The following KCNK5 variants were observed in gnomAD, a reference collection of about 807,000 sequenced individuals.
KCNK5 encodes potassium two pore domain channel subfamily K member 5, also known as potassium channel subfamily K member 5.
A neutral mutation model predicts 32.9 loss-of-function variants in KCNK5; 18 were observed. The observed-to-expected ratio is 0.55, with a 90% CI of 0.38 to 0.81. KCNK5 has a LOEUF of 0.81. Ranked by LOEUF, KCNK5 falls within the 30% of genes least tolerant of loss-of-function variation. KCNK5 has a pLI of 0.00. For missense variants in KCNK5, 507 were observed against 651.0 expected (o/e 0.78, Z 2.41); for synonymous variants, 276 against 275.3 (o/e 1.00, Z -0.03).
intron 1 of KCNK5, among the ~76,000 whole-genome samples, chr6:39,217,679 T>C (rs1234578152): frequency 1.3e-5 from 2 of 152,166 alleles, no homozygotes; most frequent in Admixed American, 1.3e-4. Context: ...CATTTTATGA[T>C]TTGCCGCCAC....
chr6:39,210,730 C>T lies in KCNK5; in HGVS notation c.187-14743G>A, dbSNP rs563152217. Reference sequence around the variant, plus strand: ...AGTTTAACAAGAGACAGGCAGGAGTCGGGAAAGAGGGACATGACAGCAGAA... The same window carrying T: ...AGTTTAACAAGAGACAGGCAGGAGTTGGGAAAGAGGGACATGACAGCAGAA... On this transcript the variant is annotated intron_variant, in intron 1 of 4. Coordinates refer to ENST00000359534, the MANE Select transcript of KCNK5 (RefSeq NM_003740.4). Among the ~76,000 whole-genome samples, 6 of 152,206 alleles carry T rather than the reference C, an allele frequency of 3.9e-5. No individual in the cohort carries two copies. In the South Asian group the frequency reaches 1.0e-3, roughly 26 times the overall value.
chr6:39,199,453 T>C (rs1015741091), intron 1 of KCNK5, among the ~76,000 whole-genome samples: 13 of 152,258 alleles, frequency 8.5e-5, no homozygotes, highest in African/African-American at 2.9e-4. Context: ...CCCCATGACT[T>C]CTAGTATCCC....
At chr6:39,195,742 A>T in intron 2 of KCNK5, 134 bp downstream of exon 2, 1 of 582,902 alleles carries the variant, frequency 1.7e-6, no homozygotes, top group South Asian at 2.7e-5. Context: ...TCCCTAAGAA[A>T]GTATCAAAAG....
intron 1 of KCNK5, among the ~76,000 whole-genome samples, chr6:39,203,539 C>G (rs55872415): frequency 0.092 from 14,079 of 152,298 alleles, 825 homozygotes; most frequent in South Asian, 0.18. Context: ...CACTTCCCCC[C>G]CATCACCCCT....
At chr6:39,222,071 C>G (rs1378076470) in intron 1 of KCNK5, among the ~76,000 whole-genome samples, 1 of 152,218 alleles carries the variant, frequency 6.6e-6, no homozygotes, top group Non-Finnish European at 1.5e-5. Flanking sequence ...GGGATAACTG[C>G]TCACCAGAAG....
intron 1 of KCNK5, among the ~76,000 whole-genome samples, chr6:39,223,514 A>T (rs969847021): frequency 2.6e-5 from 4 of 152,198 alleles, no homozygotes; most frequent in Non-Finnish European, 5.9e-5. Flanking sequence ...AGGCAAACCT[A>T]TTTCATGTGC....
At chr6:39,225,552 G>A (rs957416420) in intron 1 of KCNK5, among the ~76,000 whole-genome samples, 1 of 152,206 alleles carries the variant, frequency 6.6e-6, no homozygotes, top group Non-Finnish European at 1.5e-5. Context: ...TGGGACAGGG[G>A]TTGGGGACTT....
chr6:39,203,330 C>A (rs1003544205), intron 1 of KCNK5, among the ~76,000 whole-genome samples: 1 of 152,248 alleles, frequency 6.6e-6, no homozygotes, highest in African/African-American at 2.4e-5. Context: ...TCCCTGGCCA[C>A]CTGATGGCTG....
chr6:39,191,724 C>G lies in KCNK5; in HGVS notation c.666G>C (p.Leu222=). The G allele has an allele frequency of 4.3e-6, 7 of 1,613,774 alleles. No individual in the cohort carries two copies. Among genetic ancestry groups the G allele is most frequent in the Non-Finnish European group, 5.9e-6 (7 of 1,179,818 alleles). The change falls in exon 5 of 5, where the codon CTG becomes CTC. Residue 222 remains leucine (L), a synonymous_variant. Coordinates refer to ENST00000359534, the MANE Select transcript of KCNK5 (RefSeq NM_003740.4). The surrounding 1 kb of genome is among the most constrained non-coding windows in gnomAD (Gnocchi z 5.8). ...TCCAGAGCTCCACGAAGTAGCGGTA[C>G]AGGGCGTGGTAGTTGGCGCTGGGGT... ...GVNPSANYHA[L]YRYFVELWIY... is the part of the protein sequence containing the mutation.
intron 1 of KCNK5, among the ~76,000 whole-genome samples, chr6:39,219,019 T>TA (rs936136450): frequency 6.6e-5 from 10 of 152,166 alleles, no homozygotes; most frequent in African/African-American, 2.4e-4. Context: ...ATGTGCTTAG[T>TA]AAAATATCTG....
chr6:39,199,347 CT>C, intron 1 of KCNK5, among the ~76,000 whole-genome samples: 1 of 152,354 alleles, frequency 6.6e-6, no homozygotes, highest in South Asian at 2.1e-4. Flanking sequence ...AAGAGCTGGG[CT>C]TTCTACCCTT....
intron 1 of KCNK5, among the ~76,000 whole-genome samples, chr6:39,225,099 G>A (rs1003286213): frequency 6.6e-6 from 1 of 151,970 alleles, no homozygotes; most frequent in African/African-American, 2.4e-5. Context: ...CCCTCGTTAA[G>A]CGACCTCCTG....
At chr6:39,193,473 G>A (rs1770976545) in intron 4 of KCNK5, among the ~76,000 whole-genome samples, 1 of 152,240 alleles carries the variant, frequency 6.6e-6, no homozygotes, top group Non-Finnish European at 1.5e-5. Flanking sequence ...TGGGGTGGTG[G>A]GTCAACAGGG....
intron 1 of KCNK5, among the ~76,000 whole-genome samples, chr6:39,202,364 G>A (rs1771145587): frequency 1.3e-5 from 2 of 152,112 alleles, no homozygotes; most frequent in South Asian, 2.1e-4. Context: ...CAGCGGCGGC[G>A]GGGCTCACAG....
At position 39,191,045 on chromosome 6, in the gene KCNK5, G is replaced by A. The variant is rs1360728748; in HGVS notation, c.1345C>T (p.Pro449Ser). The change falls in exon 5 of 5, where the codon CCC becomes TCC. Residue 449 changes from proline to serine, a missense_variant. Physicochemically the swap from Pro to Ser is moderately conservative, Grantham distance 74 (BLOSUM62 -1). Transcript: ENST00000359534. The surrounding 1 kb of genome is among the most constrained non-coding windows in gnomAD (Gnocchi z 5.8). ...LEDNLAGEES[P>S]QQGAEAKAPL... is the part of the protein sequence containing the mutation. ...GCCTTGGCTTCAGCCCCCTGCTGGGGGCTCTCCTCCCCTGCCAAGTTGTCC... is the reference window on the plus strand; with the variant it reads ...GCCTTGGCTTCAGCCCCCTGCTGGGAGCTCTCCTCCCCTGCCAAGTTGTCC... The A allele has an allele frequency of 6.2e-7, 1 of 1,610,988 alleles. No homozygotes were observed. The highest frequency in any genetic ancestry group is 1.7e-5 in the Admixed American group (1 of 59,588).
At position 39,191,367 on chromosome 6, in the gene KCNK5, C is replaced by T. The variant is rs1345529611; in HGVS notation, c.1023G>A (p.Leu341=). ...TCTTGGAGTAGACTACCAGGGGCAC[C>T]AGGGAAGGGGGCAGTGCTGGGAGCC... ...GGGLPALPPS[L]VPLVVYSKNR... is the part of the protein sequence containing the mutation. The change falls in exon 5 of 5, where the codon CTG becomes CTA. Residue 341 remains leucine (L), a synonymous_variant. Coordinates refer to ENST00000359534, the MANE Select transcript of KCNK5 (RefSeq NM_003740.4). The surrounding 1 kb of genome is among the most constrained non-coding windows in gnomAD (Gnocchi z 5.8). 2 of 1,613,680 alleles carry T rather than the reference C, an allele frequency of 1.2e-6. No individual in the cohort carries two copies. The highest frequency in any genetic ancestry group is 2.2e-5 in the South Asian group (2 of 91,068).
intron 1 of KCNK5, among the ~76,000 whole-genome samples, chr6:39,224,309 G>A (rs1418328571): frequency 5.9e-5 from 9 of 152,238 alleles, no homozygotes; most frequent in African/African-American, 1.9e-4. Flanking sequence ...TTACAAAGGC[G>A]GTTAAGTGGA....
At chr6:39,202,972 G>C (rs891769281) in intron 1 of KCNK5, among the ~76,000 whole-genome samples, 1 of 152,120 alleles carries the variant, frequency 6.6e-6, no homozygotes, top group Admixed American at 6.5e-5. Context: ...AAAGAACCTA[G>C]GACTCAGTAA....
At chr6:39,221,237 A>G (rs1771542514) in intron 1 of KCNK5, among the ~76,000 whole-genome samples, 1 of 152,180 alleles carries the variant, frequency 6.6e-6, no homozygotes. Flanking sequence ...GAGATGATGC[A>G]CATCAGTGGC....
Sources: allele counts gnomAD v4.1 joint callset (sites outside exome capture counted in the v4.1 genomes callset), GRCh38; gene constraint gnomAD v4.1.1; non-coding constraint Gnocchi (gnomAD v3.1); transcripts MANE v1.5; gene names NCBI Gene and HGNC (gene_info 2026-07-23, HGNC 2026-07-21).